The following RAP1GAP variants were observed in gnomAD, a reference collection of about 807,000 sequenced individuals.
RAP1GAP encodes RAP1 GTPase activating protein, also known as rap1 GTPase-activating protein 1.
In RAP1GAP, 35 loss-of-function variants were observed where a neutral mutation model predicts 87.2. That is an observed-to-expected ratio of 0.40 (90% CI 0.31 to 0.53). The LOEUF (loss-of-function observed/expected upper bound fraction) is 0.53. Among genes scored for constraint, RAP1GAP ranks in the 20% least tolerant of loss-of-function variants. The probability of loss-of-function intolerance (pLI) is 0.48; values close to 1 mark genes in which losing one functional copy is unlikely to be tolerated. For missense variants in RAP1GAP, 734 were observed against 898.9 expected (o/e 0.82, Z 2.35); for synonymous variants, 375 against 363.9 (o/e 1.03, Z -0.35).
chr1:21,623,361 C>T (rs1401658368), intron 3 of RAP1GAP, among the ~76,000 whole-genome samples: 1 of 152,222 alleles, frequency 6.6e-6, no homozygotes, highest in African/African-American at 2.4e-5. Flanking sequence ...GCAGTGTGTC[C>T]CTGGCCTGGT....
At chr1:21,645,658 C>A (rs926071148) in intron 2 of RAP1GAP, among the ~76,000 whole-genome samples, 2 of 152,160 alleles carry the variant, frequency 1.3e-5, no homozygotes, top group African/African-American at 4.8e-5. Flanking sequence ...AGATCCCTGC[C>A]CAGAGGTATA....
At chr1:21,625,832 T>C (rs577428399) in intron 3 of RAP1GAP, among the ~76,000 whole-genome samples, 9 of 152,292 alleles carry the variant, frequency 5.9e-5, no homozygotes, top group Admixed American at 3.3e-4. Context: ...AAGCAGGTAC[T>C]GGGCAAACGT....
chr1:21,633,882 A>T (rs2094244563), intron 2 of RAP1GAP, among the ~76,000 whole-genome samples: 1 of 151,992 alleles, frequency 6.6e-6, no homozygotes, highest in African/African-American at 2.4e-5. Context: ...GATGAGGACA[A>T]GGGCACAGAC....
chr1:21,649,646 T>C, intron 2 of RAP1GAP, 115 bp downstream of exon 2: 1 of 1,243,466 alleles, frequency 8.0e-7, no homozygotes, highest in Non-Finnish European at 1.1e-6. Flanking sequence ...CCTGAGAGGA[T>C]GGTTGGAAGC....
Position 21,669,185 on chromosome 1 carries a change from C to A in RAP1GAP, c.-149+69G>T. 8 of 1,224,302 alleles carry A rather than the reference C, an allele frequency of 6.5e-6. No individual in the cohort carries two copies. The highest frequency in any genetic ancestry group is 8.3e-6 in the Non-Finnish European group (8 of 963,048). 75.8% of individuals were successfully genotyped at this position (1,224,302 alleles called of 1,614,324 possible). A position where few individuals can be genotyped will look rare whatever the true frequency, so the allele number is the denominator to read the frequency against. The stretch of plus-strand genomic sequence containing the variant: ...CCCGCGCGGGGTCTTCGCTGCGAGC[C>A]GACGGGAGTCTGGACACCTCTGTCC... On this transcript the variant is annotated intron_variant, in intron 1 of 24. Coordinates refer to ENST00000374765, the MANE Select transcript of RAP1GAP (RefSeq NM_002885.4). The surrounding 1 kb of genome is among the most constrained non-coding windows in gnomAD (Gnocchi z 5.6).
intron 17 of RAP1GAP, among the ~76,000 whole-genome samples, chr1:21,606,436 T>C (rs1047818007): frequency 3.3e-5 from 5 of 152,196 alleles, no homozygotes; most frequent in Non-Finnish European, 7.4e-5. Context: ...AGCTCAGGTA[T>C]TGGCTCTGCC....
intron 23 of RAP1GAP, 43 bp downstream of exon 23, chr1:21,597,917 CG>C (rs1056496132): frequency 6.5e-7 from 1 of 1,535,430 alleles, no homozygotes; most frequent in Non-Finnish European, 8.8e-7. Context: ...CATCCCCTCC[CG>C]GGTGGGGCTC....
At position 21,608,346 on chromosome 1, in the gene RAP1GAP, C is replaced by T; in HGVS notation, c.1163G>A (p.Arg388Gln). 6.2e-7 allele frequency: 1 copy of T among 1,612,906 alleles called. No homozygotes were observed. Among genetic ancestry groups the T allele is most frequent in the Non-Finnish European group, 8.5e-7 (1 of 1,179,628 alleles). ...CGTCTCCAGGAGGGCGGCCCGCGTC[C>T]GCTCCTGTGGGCCAGGCCCGGGCCG... ...KAEKFAKLEE[R>Q]TRAALLETLY... The change falls in exon 17 of 25, where the codon CGG (arginine) becomes CAG (glutamine). Residue 388 changes from arginine (R) to glutamine (Q), a missense_variant. Physicochemically the swap from Arg to Gln is conservative, Grantham distance 43 (BLOSUM62 1). Transcript: ENST00000374765.
At chr1:21,605,442 T>A (rs1445541255) in intron 18 of RAP1GAP, among the ~76,000 whole-genome samples, 3 of 152,116 alleles carry the variant, frequency 2.0e-5, no homozygotes, top group Non-Finnish European at 4.4e-5. Flanking sequence ...TGTGCTCACA[T>A]AGCAGTCCAT....
At chr1:21,625,207 A>G (rs2091420839) in intron 3 of RAP1GAP, among the ~76,000 whole-genome samples, 1 of 152,174 alleles carries the variant, frequency 6.6e-6, no homozygotes, top group South Asian at 2.1e-4. Flanking sequence ...CAGCCTAGGC[A>G]AGGTACGTGG....
At chr1:21,640,504 G>A (rs2095420240) in intron 2 of RAP1GAP, among the ~76,000 whole-genome samples, 1 of 152,154 alleles carries the variant, frequency 6.6e-6, no homozygotes, top group African/African-American at 2.4e-5. Flanking sequence ...CTCTACAAGG[G>A]TCAAGTCTAT....
rs529613744 is a variant in RAP1GAP at position 21,617,399 on chromosome 1, G to T, written c.198C>A (p.Ile66=). The T allele has an allele frequency of 6.2e-7, 1 of 1,603,946 alleles. No individual in the cohort carries two copies. The highest frequency in any genetic ancestry group is 1.3e-5 in the African/African-American group (1 of 74,994). The change falls in exon 7 of 25, where the codon ATC becomes ATA. Residue 66 remains isoleucine, a synonymous_variant. Transcript: ENST00000374765. Reference sequence around the variant, plus strand: ...GCGACTGCAGTGGCTCTGTCTCGGGGATGCTGGTGATTTCGTGGTTGGTGC... The same window carrying T: ...GCGACTGCAGTGGCTCTGTCTCGGGTATGCTGGTGATTTCGTGGTTGGTGC... ...IEGTNHEITS[I]PETEPLQSPT...
In RAP1GAP at chr1:21,599,568, A is replaced by T; in HGVS notation, c.1702T>A (p.Ser568Thr). The T allele has an allele frequency of 6.2e-7, 1 of 1,609,124 alleles. No homozygotes were observed. Among genetic ancestry groups the T allele is most frequent in the Non-Finnish European group, 8.5e-7 (1 of 1,179,976 alleles). ...RAEALKDFSR[S>T]SSSASSFASV... is the part of the protein sequence containing the mutation. ...GCGAAGCTGCTGGCACTGGACGAGG[A>T]GCGGGAGAAGTCCTTGAGCGCCTCT... is the stretch of plus-strand genomic sequence containing the variant. Residue 568 changes from serine (S) to threonine (T), a missense_variant, in exon 21 of 25, where the codon TCC becomes ACC. By Grantham distance (58) the Ser-to-Thr change is moderately conservative. This residue lies in a region of RAP1GAP where 249 missense variants were observed against 252.7 expected (regional missense o/e 0.99). Coordinates refer to ENST00000374765, the MANE Select transcript of RAP1GAP (RefSeq NM_002885.4).
intron 2 of RAP1GAP, chr1:21,626,992 G>T: frequency 2.2e-6 from 1 of 456,754 alleles, no homozygotes; most frequent in Non-Finnish European, 4.4e-6. Flanking sequence ...CGGCAGCAAA[G>T]CTAGCATCTG....
chr1:21,632,916 C>G (rs927262223), intron 2 of RAP1GAP, among the ~76,000 whole-genome samples: 1 of 152,042 alleles, frequency 6.6e-6, no homozygotes, highest in African/African-American at 2.4e-5. Context: ...GGAAACAGAC[C>G]AACAAAACAT....
chr1:21,599,185 T>A (rs940481369), intron 21 of RAP1GAP, among the ~76,000 whole-genome samples: 2 of 152,184 alleles, frequency 1.3e-5, no homozygotes, highest in Admixed American at 1.3e-4. Context: ...AGGGGTGCAG[T>A]GAGCCTGGGA....
At chr1:21,597,894 C>T (rs1377014930) in intron 23 of RAP1GAP, 67 bp downstream of exon 23, 1 of 1,510,116 alleles carries the variant, frequency 6.6e-7, no homozygotes. Flanking sequence ...AGCTCCCAGC[C>T]TCCCCGCCAG....
chr1:21,631,061 G>A (rs1315431744), intron 2 of RAP1GAP, among the ~76,000 whole-genome samples: 3 of 151,610 alleles, frequency 2.0e-5, no homozygotes, highest in South Asian at 2.1e-4. Context: ...CCCACTTCAC[G>A]AACCCGAACC....
intron 2 of RAP1GAP, among the ~76,000 whole-genome samples, chr1:21,639,700 CG>C (rs2095318085): frequency 6.6e-6 from 1 of 152,140 alleles, no homozygotes; most frequent in Non-Finnish European, 1.5e-5. Context: ...CACATCTGTG[CG>C]GATGTGGAGT....
Sources: gnomAD v4.1 joint callset for allele counts (sites outside exome capture counted in the v4.1 genomes callset) on GRCh38, gnomAD v4.1.1 for gene constraint, gnomAD v4.1.1 regional missense constraint, Gnocchi (gnomAD v3.1) non-coding constraint, MANE v1.5 for transcripts, NCBI Gene and HGNC (gene_info 2026-07-23, HGNC 2026-07-21) for gene names.